RB1CC1: variants seen among roughly 807,000 people sequenced by gnomAD.
The protein encoded by RB1CC1 is RB1 inducible coiled-coil 1, also known as RB1-inducible coiled-coil protein 1.
RB1CC1 carries 46 observed loss-of-function variants against 177.5 expected under a neutral mutation model. That is an observed-to-expected ratio of 0.26 (90% CI 0.20 to 0.33). The LOEUF is 0.33. RB1CC1 is among the 10% of genes least tolerant of loss of function. The pLI is 1.00. For synonymous variants in RB1CC1, 666 were observed against 613.6 expected, an observed-to-expected ratio of 1.09 and a Z score of -1.26; for missense variants, 1,703 against 1,816.3, an observed-to-expected ratio of 0.94 and a Z score of 1.13.
intron 12 of RB1CC1, 118 bp from the exon 13 acceptor site, chr8:52,659,094 A>C: frequency 2.1e-6 from 1 of 483,298 alleles, no homozygotes; most frequent in Non-Finnish European, 3.6e-6. Flanking sequence ...AAGTGCTTTA[A>C]ATGATTAAGA....
chr8:52,695,778 T>C (rs1165074569), intron 1 of RB1CC1, among the ~76,000 whole-genome samples: 4 of 152,256 alleles, frequency 2.6e-5, no homozygotes, highest in South Asian at 4.1e-4. Flanking sequence ...CTCTCTGCCA[T>C]TGCCTGATTT....
intron 1 of RB1CC1, among the ~76,000 whole-genome samples, chr8:52,690,051 T>C (rs556245533): frequency 4.6e-5 from 7 of 152,140 alleles, no homozygotes; most frequent in South Asian, 2.1e-4. Context: ...ACTTAACAGA[T>C]TGACAGAAGA....
At chr8:52,700,301 A>G (rs1374997056) in intron 1 of RB1CC1, among the ~76,000 whole-genome samples, 1 of 150,958 alleles carries the variant, frequency 6.6e-6, no homozygotes, top group Non-Finnish European at 1.5e-5. Context: ...AGGCAGGTGG[A>G]TTGCTTGAGA....
chr8:52,644,626 C>A (rs1462937570), intron 16 of RB1CC1, among the ~76,000 whole-genome samples: 3 of 152,130 alleles, frequency 2.0e-5, no homozygotes. Context: ...TTCCCTTAAG[C>A]CACACACTTT....
intron 1 of RB1CC1, among the ~76,000 whole-genome samples, chr8:52,695,556 G>A (rs1855321717): frequency 6.6e-6 from 1 of 152,208 alleles, no homozygotes; most frequent in Non-Finnish European, 1.5e-5. Context: ...CTGACCTCCA[G>A]AAAGGGCTAG....
At chr8:52,666,937 T>C (rs911948908) in intron 8 of RB1CC1, among the ~76,000 whole-genome samples, 1 of 152,102 alleles carries the variant, frequency 6.6e-6, no homozygotes, top group Non-Finnish European at 1.5e-5. Context: ...GAAAAGCAAG[T>C]GAGGGAAAAG....
At chr8:52,641,886 A>G (rs1199647690) in intron 18 of RB1CC1, among the ~76,000 whole-genome samples, 2 of 152,058 alleles carry the variant, frequency 1.3e-5, no homozygotes, top group Non-Finnish European at 2.9e-5. Flanking sequence ...AACTGGTAAG[A>G]AAGTTCTAAA....
At chr8:52,670,229 A>G (rs1203640002) in intron 7 of RB1CC1, among the ~76,000 whole-genome samples, 2 of 152,238 alleles carry the variant, frequency 1.3e-5, no homozygotes, top group African/African-American at 2.4e-5. Context: ...CACCGTGCCC[A>G]GCTGACTTCC....
In RB1CC1 at chr8:52,657,365, A is replaced by G; in HGVS notation, c.2464T>C (p.Phe822Leu). Residue 822 changes from phenylalanine to leucine, a missense_variant, in exon 15 of 24, where the codon TTT becomes CTT. Phe to Leu is a conservative substitution (Grantham distance 22). Coordinates refer to ENST00000025008, the MANE Select transcript of RB1CC1 (RefSeq NM_014781.5). Reference sequence around the variant, plus strand: ...TGTTCTTTTTGTACAAATGTTCTAAAGTGGCAAAGGTCTTCCTTAATGGTT... The same window carrying G: ...TGTTCTTTTTGTACAAATGTTCTAAGGTGGCAAAGGTCTTCCTTAATGGTT... ...IQTIKEDLCH[F>L]RTFVQKEQCD... is the part of the protein sequence containing the mutation. 1 of 1,614,074 alleles carries G rather than the reference A, an allele frequency of 6.2e-7. No individual in the cohort carries two copies. The highest frequency in any genetic ancestry group is 1.1e-5 in the South Asian group (1 of 91,082).
chr8:52,690,503 A>G (rs757506832), intron 1 of RB1CC1, among the ~76,000 whole-genome samples: 1 of 152,188 alleles, frequency 6.6e-6, no homozygotes, highest in Non-Finnish European at 1.5e-5. Context: ...GGGTAGGAAG[A>G]ACGACTTACT....
rs7837089 is a variant in RB1CC1 at position 52,695,427 on chromosome 8, C to T, written c.-166-8460G>A. On this transcript the variant is annotated intron_variant, in intron 1 of 23. Coordinates refer to ENST00000025008, the MANE Select transcript of RB1CC1 (RefSeq NM_014781.5). ...GGTGATCTCTAGGCCCCTGTAATATCCTGACAGATAGAACTGTGTTTGTTT... is the reference window on the plus strand; with the variant it reads ...GGTGATCTCTAGGCCCCTGTAATATTCTGACAGATAGAACTGTGTTTGTTT... 9.1e-3 allele frequency among the ~76,000 whole-genome samples: 1,391 copies of T among 152,302 alleles called. 19 individuals are homozygous for T. The highest frequency in any genetic ancestry group is 0.032 in the African/African-American group (1,323 of 41,562).
chr8:52,675,373 A>G (rs1853001735), intron 6 of RB1CC1, among the ~76,000 whole-genome samples: 1 of 149,622 alleles, frequency 6.7e-6, no homozygotes, highest in Admixed American at 6.6e-5. Context: ...TAATTAAAAG[A>G]AAAAAAAATC....
chr8:52,678,748 T>G (rs1326185915), intron 5 of RB1CC1, among the ~76,000 whole-genome samples: 1 of 152,216 alleles, frequency 6.6e-6, no homozygotes, highest in Non-Finnish European at 1.5e-5. Context: ...AGGTAAAATA[T>G]GAAAGTTTAC....
At chr8:52,699,760 A>G (rs1855825240) in intron 1 of RB1CC1, among the ~76,000 whole-genome samples, 1 of 129,438 alleles carries the variant, frequency 7.7e-6, no homozygotes, top group African/African-American at 2.9e-5. Context: ...CAGAGGTTGC[A>G]GTGAGCCGAG....
chr8:52,693,287 T>C (rs1025103508), intron 1 of RB1CC1, among the ~76,000 whole-genome samples: 1 of 152,068 alleles, frequency 6.6e-6, no homozygotes, highest in Non-Finnish European at 1.5e-5. Context: ...CTAATTAAAC[T>C]AAAGAGCTTC....
In RB1CC1 at chr8:52,656,538, T is replaced by C. The variant is rs1265837671; in HGVS notation, c.3291A>G (p.Thr1097=). 1 of 1,611,050 alleles carries C rather than the reference T, an allele frequency of 6.2e-7. No homozygotes were observed. Among genetic ancestry groups the C allele is most frequent in the South Asian group, 1.1e-5 (1 of 90,746 alleles). ...TACTAATTTCTGTTCTCAAATTTTC[T>C]GTCTCTTGTTCAAGAAGAGATTTCA... ...ETLKSLLEQE[T]ENLRTEISKL... is the part of the protein sequence containing the mutation. The change falls in exon 15 of 24, where the codon ACA becomes ACG. Residue 1097 remains threonine, a synonymous_variant. Transcript: ENST00000025008.
intron 1 of RB1CC1, among the ~76,000 whole-genome samples, chr8:52,689,100 C>A (rs747511488): frequency 1.3e-5 from 2 of 152,176 alleles, no homozygotes; most frequent in Non-Finnish European, 2.9e-5. Context: ...ACTATCTATC[C>A]AATCCCTCTG....
chr8:52,695,802 C>T (rs1855351051), intron 1 of RB1CC1, among the ~76,000 whole-genome samples: 1 of 152,162 alleles, frequency 6.6e-6, no homozygotes, highest in Non-Finnish European at 1.5e-5. Flanking sequence ...TTTTTGTATC[C>T]TTCTCTTATA....
chr8:52,634,136 A>T (rs1183760103), intron 20 of RB1CC1, among the ~76,000 whole-genome samples: 2 of 152,088 alleles, frequency 1.3e-5, no homozygotes, highest in African/African-American at 4.8e-5. Context: ...TTTTTAATTA[A>T]AAACGAAACA....
Sources: gnomAD v4.1 joint callset for allele counts (sites outside exome capture counted in the v4.1 genomes callset) on GRCh38, gnomAD v4.1.1 for gene constraint, MANE v1.5 for transcripts, NCBI Gene and HGNC (gene_info 2026-07-23, HGNC 2026-07-21) for gene names.